The following LOC400499 variants were observed in gnomAD, a reference collection of about 807,000 sequenced individuals.
At chr16:11,376,247 C>T in the LOC400499 span, among the ~76,000 whole-genome samples, 7 of 152,094 alleles carry the variant, frequency 4.6e-5, no homozygotes, top group Admixed American at 6.5e-5. Context: ...GTGTCATATG[C>T]GCCATATCTA....
At chr16:11,449,867 T>C in the LOC400499 span, among the ~76,000 whole-genome samples, 45 of 152,336 alleles carry the variant, frequency 3.0e-4, no homozygotes, top group African/African-American at 1.0e-3. Flanking sequence ...ATCTCCAGGA[T>C]CTGGACACTT....
At chr16:11,523,433 C>A in the LOC400499 span, 1 of 398,770 alleles carries the variant, frequency 2.5e-6, no homozygotes, top group South Asian at 1.3e-4. Flanking sequence ...TGCACGCAGT[C>A]ATGCAGGAGG....
the LOC400499 span, among the ~76,000 whole-genome samples, chr16:11,486,256 T>C: frequency 1.1e-5 from 1 of 93,176 alleles, no homozygotes; most frequent in Non-Finnish European, 2.0e-5. Context: ...ATTGAGTGAA[T>C]AGATGGATGG....
At chr16:11,398,422 AG>A in the LOC400499 span, 1 of 1,232,268 alleles carries the variant, frequency 8.1e-7, no homozygotes, top group African/African-American at 1.5e-5. Context: ...ACTTCTCCCC[AG>A]AAGCTCTGAC....
the LOC400499 span, chr16:11,508,592 A>G: frequency 2.5e-6 from 1 of 396,670 alleles, no homozygotes; most frequent in Non-Finnish European, 4.4e-6. Flanking sequence ...CTACCCACCC[A>G]TAGGTGACAG....
chr16:11,422,145 A>C, the LOC400499 span, among the ~76,000 whole-genome samples: 1 of 152,224 alleles, frequency 6.6e-6, no homozygotes, highest in Non-Finnish European at 1.5e-5. Flanking sequence ...CCATGCCTGT[A>C]ATCCCAGCAC....
chr16:11,386,506 ACACACATAAAG>A, the LOC400499 span, among the ~76,000 whole-genome samples: 1 of 152,194 alleles, frequency 6.6e-6, no homozygotes, highest in Non-Finnish European at 1.5e-5. Context: ...TGTGAGTCCC[ACACACATAAAG>A]CACTCCTTGC....
the LOC400499 span, among the ~76,000 whole-genome samples, chr16:11,408,279 G>A: frequency 1.3e-5 from 2 of 152,098 alleles, no homozygotes; most frequent in African/African-American, 4.8e-5. Context: ...ACCGCACCCA[G>A]CCAAGAGCTG....
At chr16:11,411,419 G>T in the LOC400499 span, 13 of 398,402 alleles carry the variant, frequency 3.3e-5, no homozygotes, top group Admixed American at 5.7e-4. Context: ...GGACTTCCCC[G>T]AGAGAGAGTC....
At chr16:11,474,136 GGCGTGAGCTATCC>G in the LOC400499 span, among the ~76,000 whole-genome samples, 1 of 152,264 alleles carries the variant, frequency 6.6e-6, no homozygotes, top group Non-Finnish European at 1.5e-5. Flanking sequence ...GGGGATTACA[GGCGTGAGCTATCC>G]GCCGGCCAGA....
the LOC400499 span, among the ~76,000 whole-genome samples, chr16:11,411,013 C>T: frequency 6.6e-6 from 1 of 152,254 alleles, no homozygotes; most frequent in African/African-American, 2.4e-5. Context: ...CCCCCATCTC[C>T]CAAAGGGCTT....
the LOC400499 span, chr16:11,476,757 C>A: frequency 1.6e-4 from 65 of 399,452 alleles, no homozygotes; most frequent in Non-Finnish European, 2.7e-4. Context: ...CGGCACTGGG[C>A]ACCCACCTGA....
At chr16:11,464,880 G>A in the LOC400499 span, among the ~76,000 whole-genome samples, 2 of 152,342 alleles carry the variant, frequency 1.3e-5, no homozygotes, top group African/African-American at 4.8e-5. Flanking sequence ...AAGTTCAAGG[G>A]CCCCTGGGAA....
the LOC400499 span, among the ~76,000 whole-genome samples, chr16:11,493,276 G>A: frequency 6.6e-6 from 1 of 152,208 alleles, no homozygotes; most frequent in Admixed American, 6.5e-5. Flanking sequence ...GACTCTGCAG[G>A]TGGAGCAGGA....
chr16:11,506,436 T>C, the LOC400499 span, among the ~76,000 whole-genome samples: 1 of 152,232 alleles, frequency 6.6e-6, no homozygotes, highest in African/African-American at 2.4e-5. Flanking sequence ...TGCCACTGTC[T>C]ATGCCATTTC....
chr16:11,488,787 G>C, the LOC400499 span: 8 of 399,028 alleles, frequency 2.0e-5, no homozygotes, highest in South Asian at 8.9e-4. Flanking sequence ...ATGTCCTCGG[G>C]GAGGGTGTCC....
At chr16:11,489,453 G>A in the LOC400499 span, among the ~76,000 whole-genome samples, 3 of 152,204 alleles carry the variant, frequency 2.0e-5, no homozygotes, top group African/African-American at 7.2e-5. Context: ...ACCCATGAAG[G>A]TCCCTGGAGG....
At chr16:11,494,778 C>A in the LOC400499 span, 1 of 399,108 alleles carries the variant, frequency 2.5e-6, no homozygotes, top group Non-Finnish European at 4.4e-6. Context: ...CAGAAATCGG[C>A]CCCCACCCGA....
chr16:11,436,754 A>AT, the LOC400499 span, among the ~76,000 whole-genome samples: 265 of 146,024 alleles, frequency 1.8e-3, 1 homozygote, highest in African/African-American at 3.9e-3. Flanking sequence ...TGCCCAGCTA[A>AT]TTTTTTTTTT....
Sources: allele counts gnomAD v4.1 joint callset (sites outside exome capture counted in the v4.1 genomes callset), GRCh38; gene constraint gnomAD v4.1.1; transcripts MANE v1.5.